CCDC88A: variants seen among roughly 807,000 people sequenced by gnomAD.
The protein encoded by CCDC88A is girdin.
CCDC88A carries 54 observed loss-of-function variants against 234.3 expected under a neutral mutation model. The observed-to-expected ratio is 0.23, with a 90% CI of 0.19 to 0.29. The LOEUF is 0.29. Among genes scored for constraint, CCDC88A ranks in the 10% least tolerant of loss-of-function variants. The pLI is 1.00. For missense variants in CCDC88A, 1,832 were observed against 2,123.4 expected, an observed-to-expected ratio of 0.86 and a Z score of 2.70; for synonymous variants, 753 against 737.8, an observed-to-expected ratio of 1.02 and a Z score of -0.33.
At chr2:55,355,331 G>C in intron 8 of CCDC88A, 1 of 347,098 alleles carries the variant, frequency 2.9e-6, no homozygotes, top group Non-Finnish European at 5.2e-6. Flanking sequence ...TTTGCCAAAT[G>C]AGGACATTAT....
At chr2:55,398,290 T>C (rs983522601) in intron 2 of CCDC88A, among the ~76,000 whole-genome samples, 3 of 152,256 alleles carry the variant, frequency 2.0e-5, no homozygotes, top group African/African-American at 4.8e-5. Flanking sequence ...ACTTCTGTTC[T>C]ACATTGTACC....
At chr2:55,402,529 C>T (rs1678872933) in intron 2 of CCDC88A, among the ~76,000 whole-genome samples, 1 of 152,116 alleles carries the variant, frequency 6.6e-6, no homozygotes, top group Non-Finnish European at 1.5e-5. Flanking sequence ...GAATCTGAAA[C>T]TCTATCAATG....
intron 2 of CCDC88A, among the ~76,000 whole-genome samples, chr2:55,389,324 G>A (rs1676205167): frequency 6.6e-6 from 1 of 152,214 alleles, no homozygotes; most frequent in African/African-American, 2.4e-5. Flanking sequence ...CAAGGTTAAA[G>A]TGGATGACAC....
chr2:55,395,919 G>C (rs191770481), intron 2 of CCDC88A, among the ~76,000 whole-genome samples: 12 of 152,258 alleles, frequency 7.9e-5, no homozygotes, highest in African/African-American at 2.2e-4. Flanking sequence ...GCATCTACTA[G>C]AACTAGTTAC....
chr2:55,348,214 C>T (rs1190125219), intron 9 of CCDC88A, among the ~76,000 whole-genome samples: 1 of 152,194 alleles, frequency 6.6e-6, no homozygotes, highest in African/African-American at 2.4e-5. Context: ...ACCCACCTGC[C>T]TTGGCCTCCC....
chr2:55,343,939 T>A (rs1668794064), intron 11 of CCDC88A, 147 bp from the exon 12 acceptor site: 1 of 622,964 alleles, frequency 1.6e-6, no homozygotes, highest in Admixed American at 3.5e-5. Context: ...AAGGCAATTA[T>A]AATTATTACC....
At chr2:55,301,138 A>T (rs1680850033) in intron 28 of CCDC88A, 68 bp downstream of exon 28, 1 of 905,574 alleles carries the variant, frequency 1.1e-6, no homozygotes, top group Non-Finnish European at 1.8e-6. Context: ...CACCTATTAA[A>T]GGCAAGAGTC....
chr2:55,294,993 A>G, intron 31 of CCDC88A: 1 of 1,200,838 alleles, frequency 8.3e-7, no homozygotes. Flanking sequence ...TGTTAACAGC[A>G]ACTTTTCAAA....
chr2:55,418,515 T>C, intron 2 of CCDC88A: 1 of 346,268 alleles, frequency 2.9e-6, no homozygotes, highest in Non-Finnish European at 5.3e-6. Context: ...TTTTCTCTCT[T>C]ATTTTACCAA....
intron 2 of CCDC88A, among the ~76,000 whole-genome samples, chr2:55,391,716 A>G (rs1676686753): frequency 6.6e-6 from 1 of 152,206 alleles, no homozygotes; most frequent in Non-Finnish European, 1.5e-5. Flanking sequence ...AAAACAGTCC[A>G]AAGAAGCATG....
chr2:55,419,514 C>A lies in CCDC88A; in HGVS notation c.-435G>T. 2 of 162,040 alleles carry A rather than the reference C, an allele frequency of 1.2e-5. No homozygotes were observed. The highest frequency in any genetic ancestry group is 2.7e-5 in the Non-Finnish European group (2 of 74,134). The allele number at this position is 162,040 out of a possible 1,614,324, so 10.0% of individuals were successfully genotyped here. On this transcript the variant is annotated 5_prime_UTR_variant, in exon 1 of 33. Coordinates refer to ENST00000436346, the MANE Select transcript of CCDC88A (RefSeq NM_001365480.1). Reference sequence around the variant, plus strand: ...TAAACAGAGACCACGTTAAGGATACCGAGGCGCCACCAGACTCGACCTCGG... The same window carrying A: ...TAAACAGAGACCACGTTAAGGATACAGAGGCGCCACCAGACTCGACCTCGG...
chr2:55,336,568 T>A, intron 14 of CCDC88A, 113 bp downstream of exon 14: 1 of 631,662 alleles, frequency 1.6e-6, no homozygotes, highest in African/African-American at 1.9e-5. Context: ...ATAAAAAAAT[T>A]CTAAAATATT....
chr2:55,333,144 A>T (rs1685117189), intron 15 of CCDC88A, among the ~76,000 whole-genome samples: 1 of 152,206 alleles, frequency 6.6e-6, no homozygotes, highest in Non-Finnish European at 1.5e-5. Flanking sequence ...GGCACAAGGA[A>T]CTTGTTGTTC....
At chr2:55,391,832 T>C (rs1211886200) in intron 2 of CCDC88A, among the ~76,000 whole-genome samples, 1 of 152,212 alleles carries the variant, frequency 6.6e-6, no homozygotes, top group African/African-American at 2.4e-5. Context: ...AATCCATTCA[T>C]GTTTCCCTTC....
At chr2:55,341,124 A>G (rs13429863) in intron 12 of CCDC88A, among the ~76,000 whole-genome samples, 9,138 of 147,710 alleles carry the variant, frequency 0.062, 911 homozygotes, top group African/African-American at 0.21. Flanking sequence ...ATTGTTGCAA[A>G]TGACAGAATT....
chr2:55,390,661 G>A (rs1676492936), intron 2 of CCDC88A, among the ~76,000 whole-genome samples: 1 of 152,232 alleles, frequency 6.6e-6, no homozygotes, highest in South Asian at 2.1e-4. Context: ...GTTCTCTCTA[G>A]TAAGGCACTG....
At chr2:55,346,593 T>C (rs1356385957) in intron 9 of CCDC88A, among the ~76,000 whole-genome samples, 1 of 152,112 alleles carries the variant, frequency 6.6e-6, no homozygotes, top group South Asian at 2.1e-4. Context: ...CTAATTTTTG[T>C]ATTTTTAGTA....
Position 55,289,672 on chromosome 2 carries a change from A to T in CCDC88A, c.*1528T>A, listed in dbSNP as rs770371064. ...CTCAAGTTCTCTAAGTTCCATTTCAATTTAAACATGCTCTCTTTTTTATTG... is the reference window on the plus strand; with the variant it reads ...CTCAAGTTCTCTAAGTTCCATTTCATTTTAAACATGCTCTCTTTTTTATTG... On this transcript the variant is annotated 3_prime_UTR_variant, in exon 33 of 33. Coordinates refer to ENST00000436346, the MANE Select transcript of CCDC88A (RefSeq NM_001365480.1). 1 of 152,114 alleles carries T rather than the reference A, an allele frequency of 6.6e-6. No homozygotes were observed. Among genetic ancestry groups the T allele is most frequent in the African/African-American group, 2.4e-5 (1 of 41,424 alleles). 9.4% of individuals were successfully genotyped at this position (152,114 alleles called of 1,614,324 possible). A position where few individuals can be genotyped will look rare whatever the true frequency, so the allele number is the denominator to read the frequency against.
chr2:55,307,359 ATTTT>A (rs58399854), intron 25 of CCDC88A, among the ~76,000 whole-genome samples: 3 of 140,538 alleles, frequency 2.1e-5, no homozygotes, highest in African/African-American at 8.0e-5. Context: ...TCTTCACCTA[ATTTT>A]TTTTTTTTTT....
Sources: gnomAD v4.1 joint callset for allele counts (sites outside exome capture counted in the v4.1 genomes callset) on GRCh38, gnomAD v4.1.1 for gene constraint, MANE v1.5 for transcripts, NCBI Gene and HGNC (gene_info 2026-07-23, HGNC 2026-07-21) for gene names.